Variants in CBLB observed in about 807,000 individuals in gnomAD.
The protein encoded by CBLB is Cbl proto-oncogene B, also known as E3 ubiquitin-protein ligase CBL-B.
In CBLB, 31 loss-of-function variants were observed where a neutral mutation model predicts 104.9. The observed-to-expected ratio is 0.30, with a 90% CI of 0.22 to 0.40. CBLB has a LOEUF of 0.40. Among genes scored for constraint, CBLB ranks in the 10% least tolerant of loss-of-function variants. The pLI is 1.00. For synonymous variants in CBLB, 440 were observed against 422.6 expected, an observed-to-expected ratio of 1.04 and a Z score of -0.51; for missense variants, 1,062 against 1,214.6, an observed-to-expected ratio of 0.87 and a Z score of 1.87.
intron 3 of CBLB, among the ~76,000 whole-genome samples, chr3:105,834,065 T>C (rs1212460101): frequency 6.9e-6 from 1 of 145,396 alleles, no homozygotes; most frequent in Non-Finnish European, 1.5e-5. Context: ...TTAAAAAATA[T>C]ATCAATCACA....
At chr3:105,708,874 AG>A (rs2070634854) in intron 10 of CBLB, among the ~76,000 whole-genome samples, 1 of 152,016 alleles carries the variant, frequency 6.6e-6, no homozygotes, top group Non-Finnish European at 1.5e-5. Context: ...TGAAATTGTT[AG>A]GAAAATGGAT....
intron 2 of CBLB, among the ~76,000 whole-genome samples, chr3:105,862,407 G>A (rs1374225226): frequency 6.6e-6 from 1 of 152,112 alleles, no homozygotes; most frequent in African/African-American, 2.4e-5. Flanking sequence ...AACCTCAAGA[G>A]TCACTTTCAC....
At chr3:105,863,873 C>A (rs1320004051) in intron 2 of CBLB, among the ~76,000 whole-genome samples, 1 of 152,134 alleles carries the variant, frequency 6.6e-6, no homozygotes, top group Admixed American at 6.5e-5. Context: ...TAATTATTTT[C>A]TAATTTCCTA....
intron 6 of CBLB, among the ~76,000 whole-genome samples, chr3:105,743,768 A>C (rs972060221): frequency 6.0e-5 from 9 of 151,248 alleles, no homozygotes; most frequent in Middle Eastern, 3.4e-3. Flanking sequence ...GATATTCTCC[A>C]AAGCAAATAT....
intron 18 of CBLB, among the ~76,000 whole-genome samples, chr3:105,665,771 C>T (rs2064377106): frequency 6.6e-6 from 1 of 150,914 alleles, no homozygotes; most frequent in South Asian, 2.1e-4. Flanking sequence ...TGACTCATGC[C>T]TGTAATCCCA....
chr3:105,788,387 T>C (rs2081268080), intron 3 of CBLB, among the ~76,000 whole-genome samples: 1 of 151,776 alleles, frequency 6.6e-6, no homozygotes, highest in Non-Finnish European at 1.5e-5. Context: ...AATCTTTTGG[T>C]TTCCTTGGGC....
At chr3:105,659,516 G>C (rs1475086156) in intron 18 of CBLB, among the ~76,000 whole-genome samples, 2 of 152,066 alleles carry the variant, frequency 1.3e-5, no homozygotes, top group South Asian at 2.1e-4. Context: ...CAGAGAGATA[G>C]AGAAAGGAAA....
intron 10 of CBLB, among the ~76,000 whole-genome samples, chr3:105,713,456 G>A (rs1324738195): frequency 1.3e-5 from 2 of 151,876 alleles, no homozygotes; most frequent in African/African-American, 4.8e-5. Context: ...CTCTAAGAAT[G>A]GAAAGAAGAA....
chr3:105,802,793 AG>A, intron 3 of CBLB, among the ~76,000 whole-genome samples: 1 of 152,214 alleles, frequency 6.6e-6, no homozygotes, highest in Non-Finnish European at 1.5e-5. Context: ...TAAAACATTT[AG>A]AAGACACTTA....
intron 3 of CBLB, among the ~76,000 whole-genome samples, chr3:105,813,653 C>T (rs4894954): frequency 0.66 from 100,434 of 151,938 alleles, 34,399 homozygotes; most frequent in Middle Eastern, 0.79. Context: ...AAAACCAATA[C>T]TGTATTTATA....
chr3:105,808,065 T>C (rs2153033244), intron 3 of CBLB, among the ~76,000 whole-genome samples: 1 of 152,278 alleles, frequency 6.6e-6, no homozygotes, highest in Middle Eastern at 3.4e-3. Flanking sequence ...ATATTCTTCA[T>C]CCTTTGGCTG....
chr3:105,755,107 C>T (rs546707963), intron 4 of CBLB, among the ~76,000 whole-genome samples: 3 of 151,016 alleles, frequency 2.0e-5, no homozygotes, highest in Non-Finnish European at 2.9e-5. Context: ...ATACATGTGC[C>T]ATGCTGGTGC....
chr3:105,835,490 A>C (rs1372682248), intron 3 of CBLB, among the ~76,000 whole-genome samples: 1 of 152,362 alleles, frequency 6.6e-6, no homozygotes, highest in Admixed American at 6.5e-5. Flanking sequence ...AGCCCAACTT[A>C]GAAATTTAAA....
chr3:105,694,622 C>T (rs2068103660), intron 12 of CBLB, among the ~76,000 whole-genome samples: 1 of 151,788 alleles, frequency 6.6e-6, no homozygotes. Context: ...AAAGACCATA[C>T]CCTTACCTAT....
intron 17 of CBLB, among the ~76,000 whole-genome samples, chr3:105,676,960 T>C (rs2065721870): frequency 6.6e-6 from 1 of 152,198 alleles, no homozygotes; most frequent in African/African-American, 2.4e-5. Flanking sequence ...GCCATGATTG[T>C]ATGTTTTCTG....
At chr3:105,805,649 G>A (rs1292966415) in intron 3 of CBLB, among the ~76,000 whole-genome samples, 2 of 152,006 alleles carry the variant, frequency 1.3e-5, no homozygotes, top group Non-Finnish European at 2.9e-5. Context: ...TCCCTCAACT[G>A]CCAGGTTCAT....
intron 3 of CBLB, among the ~76,000 whole-genome samples, chr3:105,782,190 T>C (rs1182799088): frequency 6.6e-6 from 1 of 152,202 alleles, no homozygotes; most frequent in Non-Finnish European, 1.5e-5. Flanking sequence ...CCATTCCCCC[T>C]GCCCAAATGC....
chr3:105,684,933 A>AT (rs1212363508), intron 14 of CBLB, among the ~76,000 whole-genome samples: 3 of 152,210 alleles, frequency 2.0e-5, no homozygotes, highest in East Asian at 3.8e-4. Flanking sequence ...ACACCTTGGT[A>AT]TTTTTTTCCC....
intron 3 of CBLB, among the ~76,000 whole-genome samples, chr3:105,811,260 G>A (rs966233926): frequency 6.6e-6 from 1 of 152,164 alleles, no homozygotes; most frequent in Non-Finnish European, 1.5e-5. Flanking sequence ...GGTATAGTTA[G>A]TATCTTTCAA....
Sources: gnomAD v4.1 joint callset for allele counts (sites outside exome capture counted in the v4.1 genomes callset) on GRCh38, gnomAD v4.1.1 for gene constraint, MANE v1.5 for transcripts, NCBI Gene and HGNC (gene_info 2026-07-23, HGNC 2026-07-21) for gene names.